Variants in HTR4 observed in about 807,000 individuals in gnomAD.
The protein encoded by HTR4 is 5-hydroxytryptamine (serotonin) receptor 4, G protein-coupled.
A neutral mutation model predicts 36.8 loss-of-function variants in HTR4; 16 were observed. That is an observed-to-expected ratio of 0.43 (90% CI 0.29 to 0.66). The LOEUF is 0.66. Among genes scored for constraint, HTR4 ranks in the 30% least tolerant of loss-of-function variants. HTR4 has a pLI of 0.13. For missense variants in HTR4, 438 were observed against 490.9 expected (o/e 0.89, Z 1.02); for synonymous variants, 189 against 185.1 (o/e 1.02, Z -0.17).
intron 2 of HTR4, among the ~76,000 whole-genome samples, chr5:148,609,743 T>A (rs953780197): frequency 6.6e-6 from 1 of 152,098 alleles, no homozygotes; most frequent in African/African-American, 2.4e-5. Flanking sequence ...TTTTTTGCAT[T>A]TTTTAGTAGA....
downstream of HTR4, among the ~76,000 whole-genome samples, chr5:148,480,845 C>A (rs950736402): frequency 5.3e-5 from 8 of 152,186 alleles, no homozygotes. Flanking sequence ...CAGGCACATC[C>A]ACAGTAATCC....
chr5:148,535,611 A>C (rs929260956), intron 4 of HTR4, among the ~76,000 whole-genome samples: 18 of 152,248 alleles, frequency 1.2e-4, no homozygotes, highest in African/African-American at 3.9e-4. Flanking sequence ...TAACAGCAGA[A>C]TAAATCAAGC....
At chr5:148,534,569 G>A (rs1758722618) in intron 4 of HTR4, among the ~76,000 whole-genome samples, 1 of 152,158 alleles carries the variant, frequency 6.6e-6, no homozygotes, top group Admixed American at 6.5e-5. Flanking sequence ...TTCTGCAGTG[G>A]AACTGCCCTT....
intron 2 of HTR4, among the ~76,000 whole-genome samples, chr5:148,607,978 T>TGATTG (rs1237810506): frequency 8.5e-5 from 13 of 152,160 alleles, no homozygotes; most frequent in Non-Finnish European, 1.5e-4. Context: ...ATCAGAATAC[T>TGATTG]GGAGGGCGAC....
chr5:148,473,336 G>A (rs912324311), downstream of HTR4, among the ~76,000 whole-genome samples: 9 of 151,214 alleles, frequency 6.0e-5, no homozygotes, highest in African/African-American at 1.7e-4. Context: ...GAAGATAGCC[G>A]TAGTTGTCCT....
At chr5:148,538,228 A>T (rs999858885) in intron 4 of HTR4, among the ~76,000 whole-genome samples, 8 of 152,190 alleles carry the variant, frequency 5.3e-5, no homozygotes, top group African/African-American at 1.9e-4. Context: ...TTGAGGGAAC[A>T]TATCTCAAAA....
intron 2 of HTR4, among the ~76,000 whole-genome samples, chr5:148,563,506 T>C (rs1760306447): frequency 6.6e-6 from 1 of 152,236 alleles, no homozygotes; most frequent in South Asian, 2.1e-4. Flanking sequence ...TGGGCTGTTA[T>C]ATTCACTGAA....
At chr5:148,462,455 C>T (rs980662036) in intron 5 of HTR4, among the ~76,000 whole-genome samples, 1 of 151,730 alleles carries the variant, frequency 6.6e-6, no homozygotes, top group Admixed American at 6.6e-5. Flanking sequence ...ACACATTCTG[C>T]TAATACACAA....
chr5:148,481,948 T>C lies in HTR4; in HGVS notation c.*1255A>G, dbSNP rs199982245. ...CAAAAGGCAGGCAGGCCATGGCTTC[T>C]CGAGGTAGCAGACGGCTATAGCAGC... On this transcript the variant is annotated 3_prime_UTR_variant, in exon 7 of 7. Coordinates refer to ENST00000377888, the MANE Select transcript of HTR4 (RefSeq NM_000870.7). The C allele has an allele frequency of 2.4e-5, 26 of 1,085,562 alleles. No homozygotes were observed. The highest frequency in any genetic ancestry group is 4.1e-4 in the Middle Eastern group (1 of 2,410). 67.2% of individuals were successfully genotyped at this position (1,085,562 alleles called of 1,614,324 possible). A position where few individuals can be genotyped will look rare whatever the true frequency, so the allele number is the denominator to read the frequency against.
At chr5:148,595,684 T>C (rs1289659887) in intron 2 of HTR4, among the ~76,000 whole-genome samples, 1 of 152,214 alleles carries the variant, frequency 6.6e-6, no homozygotes, top group African/African-American at 2.4e-5. Flanking sequence ...CAAATCATCT[T>C]GCCGTAAGCA....
intron 1 of HTR4, among the ~76,000 whole-genome samples, chr5:148,644,022 C>G (rs1020369599): frequency 5.3e-5 from 8 of 152,140 alleles, no homozygotes; most frequent in African/African-American, 1.9e-4. Context: ...ATAAGAATCA[C>G]CCGGAGGCTT....
chr5:148,534,020 G>A (rs1758696218), intron 4 of HTR4, among the ~76,000 whole-genome samples: 2 of 152,100 alleles, frequency 1.3e-5, no homozygotes, highest in African/African-American at 4.8e-5. Flanking sequence ...GTCTCTAAAG[G>A]CAAATGAAAG....
intron 2 of HTR4, among the ~76,000 whole-genome samples, chr5:148,573,887 G>A (rs1203270868): frequency 1.3e-5 from 2 of 151,958 alleles, no homozygotes; most frequent in African/African-American, 4.8e-5. Context: ...GGTCTACCTG[G>A]ATCTACACGA....
chr5:148,560,224 AAG>A (rs1452728425), intron 2 of HTR4, among the ~76,000 whole-genome samples: 1 of 145,252 alleles, frequency 6.9e-6, no homozygotes, highest in African/African-American at 2.6e-5. Context: ...AAAAAAAAAA[AAG>A]AGGAGGATTA....
At chr5:148,523,035 T>C (rs546179788) in intron 5 of HTR4, among the ~76,000 whole-genome samples, 158 bp downstream of exon 5, 24 of 152,038 alleles carry the variant, frequency 1.6e-4, no homozygotes, top group Non-Finnish European at 2.9e-4. Flanking sequence ...AGGAGTTTTG[T>C]CAGTAAGCAT....
chr5:148,558,709 TC>T (rs1307364579), intron 2 of HTR4, among the ~76,000 whole-genome samples: 1 of 152,040 alleles, frequency 6.6e-6, no homozygotes, highest in African/African-American at 2.4e-5. Context: ...GGTAATCCCT[TC>T]CCCCCACTCT....
chr5:148,542,439 T>C (rs994670653), intron 4 of HTR4, among the ~76,000 whole-genome samples: 1 of 152,276 alleles, frequency 6.6e-6, no homozygotes. Context: ...ACATGCAACC[T>C]TGAAGTAAGA....
intron 2 of HTR4, among the ~76,000 whole-genome samples, chr5:148,614,043 A>T (rs113090021): frequency 2.0e-5 from 3 of 151,358 alleles, no homozygotes; most frequent in African/African-American, 7.3e-5. Flanking sequence ...GATACAAACA[A>T]ATGGAAGAAC....
Position 148,548,768 on chromosome 5 carries a change from T to C in HTR4, c.253A>G (p.Ile85Val), listed in dbSNP as rs761717686. The C allele has an allele frequency of 6.2e-7, 1 of 1,614,036 alleles. No individual in the cohort carries two copies. The change falls in exon 4 of 7, where the codon ATC becomes GTC. Residue 85 changes from isoleucine (I) to valine (V), a missense_variant. Transcript: ENST00000377888. ...PFGAIELVQD[I>V]WIYGEVFCLV... The stretch of plus-strand genomic sequence containing the variant: ...CAAAACACCTCCCCATAAATCCAGA[T>C]GTCTTGAACCAGCTCAATGGCACCA...
Sources: allele counts gnomAD v4.1 joint callset (sites outside exome capture counted in the v4.1 genomes callset), GRCh38; gene constraint gnomAD v4.1.1; transcripts MANE v1.5; gene names NCBI Gene and HGNC (gene_info 2026-07-23, HGNC 2026-07-21).